Variants in DAPK3 observed in about 807,000 individuals in gnomAD.
The protein encoded by DAPK3 is death-associated protein kinase 3.
DAPK3 carries 24 observed loss-of-function variants against 30.6 expected under a neutral mutation model. The observed-to-expected ratio is 0.78, with a 90% CI of 0.57 to 1.10. DAPK3 has a LOEUF of 1.10. Ranked by LOEUF, DAPK3 falls within the 50% of genes least tolerant of loss-of-function variation. DAPK3 has a pLI of 0.00. For synonymous variants in DAPK3, 341 were observed against 284.0 expected (o/e 1.20, Z -2.02); for missense variants, 629 against 657.3 (o/e 0.96, Z 0.47).
At position 3,959,398 on chromosome 19, in the gene DAPK3, C is replaced by A; in HGVS notation, c.1068G>T (p.Leu356=). Residue 356 remains leucine, a synonymous_variant, in exon 9 of 9, where the codon CTG becomes CTT. Coordinates refer to ENST00000545797, the MANE Select transcript of DAPK3 (RefSeq NM_001348.3). ...CCTCCTTCTCCTCGTAGATGGCGGC[C>A]AGCGCCTCCACGTCCTCGTGGCAGA... The part of the protein sequence containing the change: ...RRLCHEDVEA[L]AAIYEEKEAW... 6.4e-7 allele frequency: 1 copy of A among 1,568,152 alleles called. No homozygotes were observed. The highest frequency in any genetic ancestry group is 8.6e-7 in the Non-Finnish European group (1 of 1,164,584).
chr19:3,959,914 G>A (rs1200077422), intron 8 of DAPK3, 145 bp downstream of exon 8: 6 of 694,350 alleles, frequency 8.6e-6, no homozygotes, highest in Admixed American at 4.8e-5. Flanking sequence ...CCCAACCCCC[G>A]CCACACAGGC....
intron 4 of DAPK3, 128 bp from the exon 5 acceptor site, chr19:3,964,047 G>A: frequency 2.5e-6 from 2 of 800,146 alleles, no homozygotes; most frequent in South Asian, 3.2e-5. Flanking sequence ...GGCAGAGCTG[G>A]CCCTCAGGGC....
intron 6 of DAPK3, 138 bp downstream of exon 6, chr19:3,963,505 G>A (rs530675772): frequency 8.0e-5 from 44 of 549,004 alleles, no homozygotes; most frequent in East Asian, 3.9e-4. Context: ...TCACTCATCC[G>A]TTCACCCGGT....
chr19:3,959,154 C>G lies in DAPK3; in HGVS notation c.1312G>C (p.Val438Leu). The G allele has an allele frequency of 2.5e-6, 4 of 1,588,310 alleles. No homozygotes were observed. The highest frequency in any genetic ancestry group is 1.1e-5 in the South Asian group (1 of 89,456). Residue 438 changes from valine to leucine, a missense_variant, in exon 9 of 9, where the codon GTG (valine) becomes CTG (leucine). Physicochemically the swap from Val to Leu is conservative, Grantham distance 32. Coordinates refer to ENST00000545797, the MANE Select transcript of DAPK3 (RefSeq NM_001348.3). Reference sequence around the variant, plus strand: ...AGCTTCTCCTGCTCCAGGGCGCGCACGAGGTCCTGCACGAAGCGCATCTCG... The same window carrying G: ...AGCTTCTCCTGCTCCAGGGCGCGCAGGAGGTCCTGCACGAAGCGCATCTCG... ...ASEMRFVQDL[V>L]RALEQEKLQG...
chr19:3,970,349 G>T (rs1019428999), intron 1 of DAPK3, among the ~76,000 whole-genome samples: 3 of 152,052 alleles, frequency 2.0e-5, no homozygotes, highest in African/African-American at 7.2e-5. Flanking sequence ...CTGCAGCCTG[G>T]AACTCCAAGG....
chr19:3,960,235 G>A, intron 7 of DAPK3, 131 bp from the exon 8 acceptor site: 1 of 649,546 alleles, frequency 1.5e-6, no homozygotes, highest in East Asian at 2.8e-5. Context: ...CACAGAAGCT[G>A]AACAAGGGTA....
In DAPK3 at chr19:3,958,779, T is replaced by G; in HGVS notation, c.*322A>C. 2 of 512,904 alleles carry G rather than the reference T, an allele frequency of 3.9e-6. No homozygotes were observed. Among genetic ancestry groups the G allele is most frequent in the Admixed American group, 3.2e-5 (1 of 30,858 alleles). The allele number at this position is 512,904 out of a possible 1,614,324, so 31.8% of individuals were successfully genotyped here. On this transcript the variant is annotated 3_prime_UTR_variant, in exon 9 of 9. Transcript: ENST00000545797. Reference sequence around the variant, plus strand: ...CCTCCGGGCCTGAACCAGGGCTGCATTCGGGCCGCCTCTGCGCCTCGGTGG... The same window carrying G: ...CCTCCGGGCCTGAACCAGGGCTGCAGTCGGGCCGCCTCTGCGCCTCGGTGG...
chr19:3,959,096 T>G lies in DAPK3; in HGVS notation c.*5A>C, dbSNP rs1284144164. On this transcript the variant is annotated 3_prime_UTR_variant, in exon 9 of 9. Transcript: ENST00000545797. ...TGTCCTGGGGCCTGGCCCACCCCAC[T>G]GCGCCTAGCGCAGCCCGCACTCCAC... The G allele has an allele frequency of 6.6e-7, 1 of 1,509,738 alleles. No individual in the cohort carries two copies. Among genetic ancestry groups the G allele is most frequent in the East Asian group, 2.4e-5 (1 of 41,738 alleles). 93.5% of individuals were successfully genotyped at this position (1,509,738 alleles called of 1,614,324 possible).
intron 2 of DAPK3, 143 bp downstream of exon 2, chr19:3,969,531 A>C: frequency 1.9e-6 from 1 of 538,742 alleles, no homozygotes. Context: ...CCACGGCCCA[A>C]ATTCGTTCCC....
chr19:3,969,824 G>T lies in DAPK3; in HGVS notation c.-89C>A. ...ATAGGACCTCAGGAGTCCCCTAATG[G>T]CAACCCTGGAGAAGACAGGGAAAGA... On this transcript the variant is annotated 5_prime_UTR_variant, in exon 2 of 9. Transcript: ENST00000545797. The T allele has an allele frequency of 1.2e-6, 1 of 865,756 alleles. No homozygotes were observed. 53.6% of individuals were successfully genotyped at this position (865,756 alleles called of 1,614,324 possible).
intron 2 of DAPK3, among the ~76,000 whole-genome samples, chr19:3,968,242 C>T (rs1043698931): frequency 2.0e-5 from 3 of 152,218 alleles, no homozygotes; most frequent in African/African-American, 7.2e-5. Flanking sequence ...CGCCTGTGAT[C>T]CCAGCACTTT....
At position 3,959,657 on chromosome 19, in the gene DAPK3, G is replaced by A. The variant is rs1474095712; in HGVS notation, c.829-20C>T. The A allele has an allele frequency of 6.4e-7, 1 of 1,553,054 alleles. No homozygotes were observed. Among genetic ancestry groups the A allele is most frequent in the African/African-American group, 1.3e-5 (1 of 74,248 alleles). On this transcript the variant is annotated intron_variant, in intron 8 of 8. Transcript: ENST00000545797. ...GATCGCCTAGGAAGGAGGGAAGCCT[G>A]AGCGGGGTCCCCGCGATGCCACCCA...
intron 8 of DAPK3, 80 bp from the exon 9 acceptor site, chr19:3,959,717 G>C: frequency 7.1e-7 from 1 of 1,417,912 alleles, no homozygotes; most frequent in Non-Finnish European, 9.3e-7. Flanking sequence ...TGTGAACTGA[G>C]GTTCAGGGGC....
chr19:3,958,584 C>T lies in DAPK3; in HGVS notation c.*517G>A, dbSNP rs750909980. 2.2e-6 allele frequency: 1 copy of T among 449,576 alleles called. No individual in the cohort carries two copies. Among genetic ancestry groups the T allele is most frequent in the South Asian group, 1.6e-5 (1 of 63,072 alleles). 27.8% of individuals were successfully genotyped at this position (449,576 alleles called of 1,614,324 possible). A position where few individuals can be genotyped will look rare whatever the true frequency, so the allele number is the denominator to read the frequency against. On this transcript the variant is annotated 3_prime_UTR_variant, in exon 9 of 9. Transcript: ENST00000545797. ...CCCACACCCGGGGGACCGGCCTCGGCGAGAAGGGCACACAGTGGAAGACCC... is the reference window on the plus strand; with the variant it reads ...CCCACACCCGGGGGACCGGCCTCGGTGAGAAGGGCACACAGTGGAAGACCC...
intron 6 of DAPK3, 66 bp downstream of exon 6, chr19:3,963,577 C>A: frequency 9.5e-7 from 1 of 1,056,858 alleles, no homozygotes; most frequent in Non-Finnish European, 1.4e-6. Flanking sequence ...CCACATGAGA[C>A]ACACGGAGCC....
At position 3,959,184 on chromosome 19, in the gene DAPK3, C is replaced by T; in HGVS notation, c.1282G>A (p.Ala428Thr). ...TCCTGCACGAAGCGCATCTCGGAGG[C>T]TACTTGCTTGGCCAGCGCCTCGTAG... Reference protein sequence around the residue: ...NRYEALAKQVASEMRFVQDLV... With the variant: ...NRYEALAKQVTSEMRFVQDLV... The change falls in exon 9 of 9, where the codon GCC becomes ACC. Residue 428 changes from alanine (A) to threonine (T), a missense_variant. By Grantham distance (58) the Ala-to-Thr change is moderately conservative. This residue lies in a region of DAPK3 where 323 missense variants were observed against 278.8 expected (regional missense o/e 1.16). Transcript: ENST00000545797. 1 of 1,598,544 alleles carries T rather than the reference C, an allele frequency of 6.3e-7. No individual in the cohort carries two copies. The highest frequency in any genetic ancestry group is 8.5e-7 in the Non-Finnish European group (1 of 1,177,142).
rs1284430495 is a variant in DAPK3, at chr19:3,959,741, G to A, written c.829-104C>T. The A allele has an allele frequency of 5.4e-6, 7 of 1,301,026 alleles. No homozygotes were observed. In the South Asian group the frequency reaches 6.1e-5, roughly 11 times the overall value. The allele number at this position is 1,301,026 out of a possible 1,614,324, so 80.6% of individuals were successfully genotyped here. On this transcript the variant is annotated intron_variant, in intron 8 of 8. Coordinates refer to ENST00000545797, the MANE Select transcript of DAPK3 (RefSeq NM_001348.3). ...AGGTTCAGGGGCTCATCCGGCAGCA[G>A]AGTCAACGCCTCGTGACGGAGACTG...
At position 3,963,879 on chromosome 19, in the gene DAPK3, C is replaced by T. The variant is rs138197908; in HGVS notation, c.594G>A (p.Ala198=). ...IVNYEPLGLE[A]DMWSIGVITY... is the part of the protein sequence containing the mutation. ...GCAGGTGGTACACTCACCACATGTC[C>T]GCCTCCAGGCCCAGCGGCTCATAGT... The change falls in exon 5 of 9, where the codon GCG becomes GCA. Residue 198 remains alanine (A), a synonymous_variant. Transcript: ENST00000545797. 4,674 of 1,598,894 alleles carry T rather than the reference C, an allele frequency of 2.9e-3. 17 individuals are homozygous for T. The highest frequency in any genetic ancestry group is 3.5e-3 in the Non-Finnish European group (4,103 of 1,168,092).
intron 6 of DAPK3, chr19:3,961,466 G>A (rs758879090): frequency 1.4e-5 from 8 of 558,272 alleles, no homozygotes; most frequent in African/African-American, 7.6e-5. Context: ...CAGTAACGCC[G>A]AGGGGAGGGT....
Sources: gnomAD v4.1 joint callset for allele counts (sites outside exome capture counted in the v4.1 genomes callset) on GRCh38, gnomAD v4.1.1 for gene constraint, gnomAD v4.1.1 regional missense constraint, MANE v1.5 for transcripts, NCBI Gene and HGNC (gene_info 2026-07-23, HGNC 2026-07-21) for gene names.